PTBP3: variants seen among roughly 807,000 people sequenced by gnomAD.
The protein encoded by PTBP3 is polypyrimidine tract binding protein 3.
PTBP3 carries 20 observed loss-of-function variants against 58.7 expected under a neutral mutation model. The observed-to-expected ratio is 0.34, with a 90% confidence interval of 0.24 to 0.50. The LOEUF (loss-of-function observed/expected upper bound fraction) is 0.50, where lower values mean the gene tolerates loss of function less well. Ranked by LOEUF, PTBP3 falls within the 20% of genes least tolerant of loss-of-function variation. PTBP3 has a pLI of 0.98. For synonymous variants in PTBP3, 185 were observed against 219.8 expected (o/e 0.84, Z 1.40); for missense variants, 509 against 637.2 (o/e 0.80, Z 2.17).
chr9:112,331,720 T>G (rs752934521), intron 1 of PTBP3, among the ~76,000 whole-genome samples: 10 of 152,258 alleles, frequency 6.6e-5, no homozygotes, highest in Non-Finnish European at 1.5e-4. Context: ...AGTATCTGTA[T>G]AACTGCCTTG....
At chr9:112,376,197 A>ATG in the PTBP3 span, among the ~76,000 whole-genome samples, 3 of 112,112 alleles carry the variant, frequency 2.7e-5, no homozygotes, top group African/African-American at 7.8e-5. Context: ...TTCCTTATAT[A>ATG]CGTGTGTGTG....
At chr9:112,305,330 C>T (rs982683231) in intron 1 of PTBP3, among the ~76,000 whole-genome samples, 1 of 151,242 alleles carries the variant, frequency 6.6e-6, no homozygotes, top group Non-Finnish European at 1.5e-5. Flanking sequence ...AATAGCCATG[C>T]CAGAAAGATC....
chr9:112,333,599 G>T lies in PTBP3; in HGVS notation c.-181C>A, dbSNP rs1053640587. 1 of 1,209,924 alleles carries T rather than the reference G, an allele frequency of 8.3e-7. No individual in the cohort carries two copies. Among genetic ancestry groups the T allele is most frequent in the Non-Finnish European group, 1.2e-6 (1 of 849,908 alleles). 74.9% of individuals were successfully genotyped at this position (1,209,924 alleles called of 1,614,324 possible). A position where few individuals can be genotyped will look rare whatever the true frequency, so the allele number is the denominator to read the frequency against. ...GCTTTGGCTCTGCGGAGCCCCGGCCGGTCCGAGGTGGAAGGAGAGTGGGAA... is the reference window on the plus strand; with the variant it reads ...GCTTTGGCTCTGCGGAGCCCCGGCCTGTCCGAGGTGGAAGGAGAGTGGGAA... On this transcript the variant is annotated 5_prime_UTR_variant, in exon 1 of 14. Coordinates refer to ENST00000374257, the MANE Select transcript of PTBP3 (RefSeq NM_001163788.4).
chr9:112,243,065 A>G (rs1370290573), intron 7 of PTBP3, among the ~76,000 whole-genome samples: 2 of 151,278 alleles, frequency 1.3e-5, no homozygotes, highest in Admixed American at 6.6e-5. Flanking sequence ...ATTAATCTAT[A>G]TATCTATCCT....
At chr9:112,300,243 C>T (rs918439094) in intron 1 of PTBP3, among the ~76,000 whole-genome samples, 2 of 152,194 alleles carry the variant, frequency 1.3e-5, no homozygotes, top group African/African-American at 2.4e-5. Flanking sequence ...ACATAGTCTA[C>T]TCCGATGCAT....
the PTBP3 span, among the ~76,000 whole-genome samples, chr9:112,345,125 A>T: frequency 1.3e-5 from 2 of 151,960 alleles, no homozygotes; most frequent in East Asian, 3.9e-4. Context: ...AATAATGAAA[A>T]TAATACCACT....
At chr9:112,263,747 C>T (rs1463040363) in intron 4 of PTBP3, among the ~76,000 whole-genome samples, 1 of 152,134 alleles carries the variant, frequency 6.6e-6, no homozygotes, top group Admixed American at 6.5e-5. Context: ...TCAATGATAA[C>T]TTGCTGATGT....
intron 1 of PTBP3, among the ~76,000 whole-genome samples, chr9:112,323,102 A>G (rs993464274): frequency 2.0e-5 from 3 of 152,216 alleles, no homozygotes; most frequent in African/African-American, 7.2e-5. Flanking sequence ...ATTGTTTAAA[A>G]TTAGCCGGGC....
rs192563492 is a variant in PTBP3, at chr9:112,246,371, G to A, written c.802+4558C>T. ...AAATTATCTCATGGAAACCATCACA[G>A]TAACAAATAATTTTGGCAACAGATG... On this transcript the variant is annotated intron_variant, in intron 7 of 13. Transcript: ENST00000374257. Among the ~76,000 whole-genome samples the A allele has an allele frequency of 2.6e-5, 4 of 152,224 alleles. No individual in the cohort carries two copies. The East Asian group carries it at 7.7e-4, about 29-fold the overall frequency.
At position 112,312,503 on chromosome 9, in the gene PTBP3, A is replaced by T. The variant is rs1227540425; in HGVS notation, c.-51-14587T>A. Among the ~76,000 whole-genome samples, 276 of 79,450 alleles carry T rather than the reference A, an allele frequency of 3.5e-3. 3 individuals are homozygous for T. The highest frequency in any genetic ancestry group is 0.014 in the African/African-American group (249 of 17,506). 52.1% of individuals were successfully genotyped at this position (79,450 alleles called of 152,430 possible). ...TTTTTTTTTTGTTTTTTTTTTTTAA[A>T]AAAAAAAAAAAGGACGTGTGTGTGT... On this transcript the variant is annotated intron_variant, in intron 1 of 13. Coordinates refer to ENST00000374257, the MANE Select transcript of PTBP3 (RefSeq NM_001163788.4).
chr9:112,364,432 G>A, the PTBP3 span, among the ~76,000 whole-genome samples: 2 of 152,108 alleles, frequency 1.3e-5, no homozygotes, highest in Admixed American at 6.6e-5. Context: ...ACCGAGGTGT[G>A]TGGATCATTT....
Position 112,290,687 on chromosome 9 carries a change from AAT to A in PTBP3, c.34+7143_34+7144del, listed in dbSNP as rs67387323. Among the ~76,000 whole-genome samples the A allele has an allele frequency of 2.0e-3, 169 of 84,972 alleles. 1 individual carries two copies. Among genetic ancestry groups the A allele is most frequent in the South Asian group, 5.9e-3 (15 of 2,564 alleles). The allele number at this position is 84,972 out of a possible 152,430, so 55.7% of individuals were successfully genotyped here. On this transcript the variant is annotated intron_variant, in intron 2 of 13. Transcript: ENST00000374257. ...ACTCTGTCTTTAAAAAAAAAAAAAAAATATATATATATATATATATACACACA... is the reference window on the plus strand; with the variant it reads ...ACTCTGTCTTTAAAAAAAAAAAAAAAATATATATATATATATATACACACA...
chr9:112,295,193 T>C (rs1408354828), intron 2 of PTBP3, among the ~76,000 whole-genome samples: 1 of 149,320 alleles, frequency 6.7e-6, no homozygotes, highest in Non-Finnish European at 1.5e-5. Context: ...AAGCAGAGAC[T>C]GCGCCACTGC....
At position 112,239,219 on chromosome 9, in the gene PTBP3, CA is replaced by C. The variant is rs532459226; in HGVS notation, c.803-4323del. On this transcript the variant is annotated intron_variant, in intron 7 of 13. Transcript: ENST00000374257. Reference sequence around the variant, plus strand: ...TAAAAACAGAAGCAGTGCTAAACTTCAAACCAGTAGTGGAAAAAACAGAATA... The same window carrying C: ...TAAAAACAGAAGCAGTGCTAAACTTCAACCAGTAGTGGAAAAAACAGAATA... Among the ~76,000 whole-genome samples the C allele has an allele frequency of 2.2e-3, 335 of 152,230 alleles. 2 individuals carry two copies. The highest frequency in any genetic ancestry group is 7.8e-3 in the African/African-American group (322 of 41,540).
chr9:112,261,401 G>A (rs1302548229), intron 5 of PTBP3, among the ~76,000 whole-genome samples: 1 of 152,196 alleles, frequency 6.6e-6, no homozygotes, highest in Admixed American at 6.5e-5. Context: ...TAAGGACTGT[G>A]GGAAAGTAAA....
chr9:112,315,851 T>G (rs1394667931), intron 1 of PTBP3, among the ~76,000 whole-genome samples: 2 of 152,218 alleles, frequency 1.3e-5, no homozygotes, highest in Non-Finnish European at 2.9e-5. Flanking sequence ...TTTCAAGGAA[T>G]TTGTACATTT....
rs757627855 is a variant in PTBP3 at position 112,333,501 on chromosome 9, A to G, written c.-83T>C. 3 of 1,587,432 alleles carry G rather than the reference A, an allele frequency of 1.9e-6. No homozygotes were observed. The Admixed American group carries it at 5.2e-5, about 28-fold the overall frequency. On this transcript the variant is annotated 5_prime_UTR_variant, in exon 1 of 14. Transcript: ENST00000374257. ...ATGGCCCAGATGGAGGCGCGCACAG[A>G]GCAGGGACTGACGGGCTAACCGCGA... is the stretch of plus-strand genomic sequence containing the variant.
intron 5 of PTBP3, among the ~76,000 whole-genome samples, chr9:112,256,427 CATT>C (rs1257191254): frequency 1.3e-5 from 2 of 151,478 alleles, no homozygotes; most frequent in African/African-American, 4.8e-5. Context: ...ATTTCTGCAT[CATT>C]AAGCACAATT....
chr9:112,245,236 G>A (rs961447820), intron 7 of PTBP3, among the ~76,000 whole-genome samples: 25 of 152,220 alleles, frequency 1.6e-4, no homozygotes, highest in Non-Finnish European at 2.2e-4. Flanking sequence ...CTTGAACCCA[G>A]GAGGCAAAGG....
Sources: allele counts gnomAD v4.1 joint callset (sites outside exome capture counted in the v4.1 genomes callset), GRCh38; gene constraint gnomAD v4.1.1; transcripts MANE v1.5; gene names NCBI Gene and HGNC (gene_info 2026-07-23, HGNC 2026-07-21).